Variants in PPM1B observed in about 807,000 individuals in gnomAD.
PPM1B encodes protein phosphatase, Mg2+/Mn2+ dependent 1B.
PPM1B carries 22 observed loss-of-function variants against 43.0 expected under a neutral mutation model. The observed-to-expected ratio is 0.51, with a 90% confidence interval of 0.37 to 0.73. PPM1B has a LOEUF of 0.73. Among genes scored for constraint, PPM1B ranks in the 30% least tolerant of loss-of-function variants. The pLI, the probability that PPM1B is intolerant of heterozygous loss-of-function variation, is 0.00. For missense variants in PPM1B, 632 were observed against 584.2 expected (o/e 1.08, Z -0.84); for synonymous variants, 217 against 197.9 (o/e 1.10, Z -0.81).
intron 1 of PPM1B, among the ~76,000 whole-genome samples, chr2:44,189,223 T>C (rs189883158): frequency 1.0e-3 from 156 of 152,252 alleles, no homozygotes; most frequent in Non-Finnish European, 1.7e-3. Context: ...TTTATACTTA[T>C]CCTTAAATAT....
intron 3 of PPM1B, among the ~76,000 whole-genome samples, chr2:44,214,315 C>T (rs932397977): frequency 1.3e-5 from 2 of 151,942 alleles, no homozygotes; most frequent in South Asian, 4.1e-4. Flanking sequence ...GTGATCTGCC[C>T]GCCTCGGCCT....
chr2:44,206,559 A>G (rs1036883179), intron 2 of PPM1B, among the ~76,000 whole-genome samples: 9 of 152,244 alleles, frequency 5.9e-5, no homozygotes, highest in African/African-American at 2.2e-4. Context: ...ATATTTTATA[A>G]CTTACAAAAA....
At chr2:44,178,474 ATT>A (rs57257505) in intron 1 of PPM1B, among the ~76,000 whole-genome samples, 1,869 of 135,302 alleles carry the variant, frequency 0.014, 36 homozygotes, top group African/African-American at 0.045. Context: ...ATATATATAT[ATT>A]TTTTTTTTTA....
At chr2:44,229,325 A>ATT (rs1326959467) in intron 5 of PPM1B, among the ~76,000 whole-genome samples, 5 of 152,184 alleles carry the variant, frequency 3.3e-5, no homozygotes, top group African/African-American at 1.2e-4. Flanking sequence ...ATAATATTGA[A>ATT]TATCAAGTTT....
At chr2:44,233,851 A>T (rs1366463188), downstream of PPM1B, 1 of 985,640 alleles carries the variant, frequency 1.0e-6, no homozygotes, top group Non-Finnish European at 1.2e-6. Flanking sequence ...AGTGCTTTAC[A>T]TGATGATGTG....
At chr2:44,204,734 T>G (rs1339212684) in intron 2 of PPM1B, among the ~76,000 whole-genome samples, 3 of 151,376 alleles carry the variant, frequency 2.0e-5, no homozygotes, top group Non-Finnish European at 3.0e-5. Flanking sequence ...TGGTGGGCGC[T>G]TGTAGTCCCA....
downstream of PPM1B, chr2:44,233,312 G>T: frequency 1.0e-6 from 1 of 963,854 alleles, no homozygotes; most frequent in Non-Finnish European, 1.2e-6. Flanking sequence ...ATACTACAGA[G>T]ATATTTTCAT....
chr2:44,226,663 T>C (rs1670222435), intron 5 of PPM1B, among the ~76,000 whole-genome samples: 1 of 151,750 alleles, frequency 6.6e-6, no homozygotes, highest in Non-Finnish European at 1.5e-5. Context: ...AATCACTTTA[T>C]GTGTAAATCT....
chr2:44,233,113 G>A (rs1670515652), downstream of PPM1B: 1 of 978,814 alleles, frequency 1.0e-6, no homozygotes, highest in African/African-American at 1.8e-5. Flanking sequence ...GATGAGATTT[G>A]CCTTTATAAT....
chr2:44,223,921 A>G (rs1359266761), intron 5 of PPM1B, among the ~76,000 whole-genome samples: 3 of 149,892 alleles, frequency 2.0e-5, no homozygotes, highest in Admixed American at 6.6e-5. Context: ...TACCTTTGCT[A>G]TGTGGTCTTG....
chr2:44,230,910 A>G lies in PPM1B; in HGVS notation c.*192A>G. On this transcript the variant is annotated 3_prime_UTR_variant, in exon 6 of 6. Transcript: ENST00000282412. ...TAGTGTAAAATTGACTATTTATAGT[A>G]CTATGGATTTAATGAAATTATATGT... The G allele has an allele frequency of 8.1e-7, 1 of 1,240,188 alleles. No homozygotes were observed. Among genetic ancestry groups the G allele is most frequent in the Non-Finnish European group, 1.0e-6 (1 of 973,812 alleles). The allele number at this position is 1,240,188 out of a possible 1,614,324, so 76.8% of individuals were successfully genotyped here.
chr2:44,230,823 A>G lies in PPM1B; in HGVS notation c.*105A>G, dbSNP rs1294768426. The G allele has an allele frequency of 2.7e-6, 4 of 1,473,012 alleles. No homozygotes were observed. Among genetic ancestry groups the G allele is most frequent in the Non-Finnish European group, 2.7e-6 (3 of 1,110,282 alleles). The allele number at this position is 1,473,012 out of a possible 1,614,324, so 91.2% of individuals were successfully genotyped here. A position where few individuals can be genotyped will look rare whatever the true frequency, so the allele number is the denominator to read the frequency against. On this transcript the variant is annotated 3_prime_UTR_variant, in exon 6 of 6. Transcript: ENST00000282412. ...TTTGTTATTTGAATCTTGGAAAACTAGTTTTATTATATTCAGATAGCCTTG... is the reference window on the plus strand; with the variant it reads ...TTTGTTATTTGAATCTTGGAAAACTGGTTTTATTATATTCAGATAGCCTTG...
At position 44,241,519 on chromosome 2, in the gene PPM1B, G is replaced by C. The variant is rs1366577925; in HGVS notation, n.1547-2709G>C. Among the ~76,000 whole-genome samples, 3 of 142,692 alleles carry C rather than the reference G, an allele frequency of 2.1e-5. 1 individual carries two copies. Among genetic ancestry groups the C allele is most frequent in the Non-Finnish European group, 4.7e-5 (3 of 64,088 alleles). 93.6% of individuals were successfully genotyped at this position (142,692 alleles called of 152,430 possible). ...GGGCCACCTGGAGAGATCACTTGAG[G>C]TCAAGAGTTCGAGACCAGCCTGGCC... On this transcript the variant is annotated intron_variant and non_coding_transcript_variant, in intron 5 of 5. Coordinates refer to the PPM1B transcript ENST00000378540.
chr2:44,222,906 C>T (rs1271577057), intron 5 of PPM1B, among the ~76,000 whole-genome samples: 1 of 152,200 alleles, frequency 6.6e-6, no homozygotes, highest in African/African-American at 2.4e-5. Context: ...TCATGGCTCT[C>T]TGTAGCCTCA....
Position 44,209,341 on chromosome 2 carries a change from T to A in PPM1B, c.964+14T>A. ...CACGGGTTGAAGGTAAGACAAATGCTTTTTAAAAATATAGACAGGCCAGGC... is the reference window on the plus strand; with the variant it reads ...CACGGGTTGAAGGTAAGACAAATGCATTTTAAAAATATAGACAGGCCAGGC... On this transcript the variant is annotated intron_variant, in intron 3 of 5. Coordinates refer to ENST00000282412, the MANE Select transcript of PPM1B (RefSeq NM_002706.6). 1 of 1,613,402 alleles carries A rather than the reference T, an allele frequency of 6.2e-7. No individual in the cohort carries two copies. The highest frequency in any genetic ancestry group is 8.5e-7 in the Non-Finnish European group (1 of 1,179,658).
intron 3 of PPM1B, among the ~76,000 whole-genome samples, chr2:44,216,068 G>T (rs1192858453): frequency 6.6e-6 from 1 of 152,184 alleles, no homozygotes; most frequent in Non-Finnish European, 1.5e-5. Context: ...ACTTTGACTT[G>T]TGGGAATTCA....
At chr2:44,216,075 T>C (rs1477584461) in intron 3 of PPM1B, among the ~76,000 whole-genome samples, 1 of 152,198 alleles carries the variant, frequency 6.6e-6, no homozygotes, top group Non-Finnish European at 1.5e-5. Context: ...CTTGTGGGAA[T>C]TCATTGGAAG....
chr2:44,200,723 C>T (rs535364659), intron 1 of PPM1B, among the ~76,000 whole-genome samples: 1 of 152,242 alleles, frequency 6.6e-6, no homozygotes, highest in African/African-American at 2.4e-5. Flanking sequence ...AGTATACCTT[C>T]CTACCTTGAT....
intron 5 of PPM1B, among the ~76,000 whole-genome samples, chr2:44,228,158 G>A (rs193005215): frequency 3.1e-3 from 454 of 145,026 alleles, no homozygotes; most frequent in African/African-American, 0.011. Context: ...TCCTGACCTC[G>A]TGATCCACCC....
Sources: gnomAD v4.1 joint callset for allele counts (sites outside exome capture counted in the v4.1 genomes callset) on GRCh38, gnomAD v4.1.1 for gene constraint, MANE v1.5 for transcripts, NCBI Gene and HGNC (gene_info 2026-07-23, HGNC 2026-07-21) for gene names.